Variants in SUMF1 observed in about 807,000 individuals in gnomAD.
The protein encoded by SUMF1 is sulfatase modifying factor 1.
Under a neutral mutation model 47.6 loss-of-function variants are expected in SUMF1, and 48 were observed. That is an observed-to-expected ratio of 1.01 (90% CI 0.80 to 1.28). SUMF1 has a LOEUF of 1.28. Ranked by LOEUF, SUMF1 falls within the 50% of genes most tolerant of loss-of-function variation. The probability of loss-of-function intolerance (pLI) is 0.00; values close to 1 mark genes in which losing one functional copy is unlikely to be tolerated. For missense variants in SUMF1, 571 were observed against 485.4 expected, an observed-to-expected ratio of 1.18 and a Z score of -1.66; for synonymous variants, 230 against 192.1, an observed-to-expected ratio of 1.20 and a Z score of -1.63.
chr3:4,120,591 C>T (rs79438291), intron 8 of SUMF1, among the ~76,000 whole-genome samples: 1 of 152,028 alleles, frequency 6.6e-6, no homozygotes, highest in East Asian at 1.9e-4. Context: ...AAATTCAAGG[C>T]CAAACAGCTG....
chr3:4,183,103 C>T (rs1695131524), intron 8 of SUMF1, among the ~76,000 whole-genome samples: 1 of 152,030 alleles, frequency 6.6e-6, no homozygotes, highest in South Asian at 2.1e-4. Flanking sequence ...ATAACTGTTC[C>T]ATTCCAAGTG....
intron 8 of SUMF1, among the ~76,000 whole-genome samples, chr3:4,324,673 T>C (rs907434663): frequency 6.6e-6 from 1 of 152,128 alleles, no homozygotes; most frequent in Non-Finnish European, 1.5e-5. Flanking sequence ...GAAGTAAACA[T>C]GTGAAAAGAG....
intron 8 of SUMF1, among the ~76,000 whole-genome samples, chr3:4,261,844 T>C (rs1248440381): frequency 6.6e-6 from 1 of 152,216 alleles, no homozygotes; most frequent in Admixed American, 6.5e-5. Flanking sequence ...TGAGTACTGA[T>C]GTACGGAGTC....
chr3:4,335,964 A>AAAAACAAAAAAAAC (rs1481126882), intron 8 of SUMF1, among the ~76,000 whole-genome samples: 2 of 146,714 alleles, frequency 1.4e-5, no homozygotes, highest in African/African-American at 5.1e-5. Context: ...CCAACTCAAA[A>AAAAACAAAAAAAAC]AAAAAAAAAA....
intron 8 of SUMF1, among the ~76,000 whole-genome samples, chr3:4,287,938 A>G (rs1697667063): frequency 6.6e-6 from 1 of 152,240 alleles, no homozygotes; most frequent in African/African-American, 2.4e-5. Context: ...AGATTTGGAT[A>G]ATTAATGCTA....
intron 8 of SUMF1, among the ~76,000 whole-genome samples, chr3:4,207,306 T>C (rs939252677): frequency 2.0e-5 from 3 of 152,292 alleles, no homozygotes; most frequent in Admixed American, 6.5e-5. Flanking sequence ...CCTTTCAATA[T>C]GCATATCTTT....
intron 8 of SUMF1, among the ~76,000 whole-genome samples, chr3:4,104,015 T>C (rs1397472039): frequency 6.6e-6 from 1 of 152,204 alleles, no homozygotes; most frequent in East Asian, 1.9e-4. Flanking sequence ...AGTCTGGATA[T>C]GAGAAGATGA....
chr3:4,049,281 A>G (rs1275207748), intron 9 of SUMF1, among the ~76,000 whole-genome samples: 1 of 152,136 alleles, frequency 6.6e-6, no homozygotes, highest in Non-Finnish European at 1.5e-5. Flanking sequence ...ATAATTCAAT[A>G]GCTCTCACAG....
At chr3:4,172,833 T>C (rs1164354549) in intron 8 of SUMF1, among the ~76,000 whole-genome samples, 1 of 152,214 alleles carries the variant, frequency 6.6e-6, no homozygotes, top group Non-Finnish European at 1.5e-5. Context: ...TGATGATGTT[T>C]CTTCTGCTGT....
At chr3:4,140,621 A>G (rs1014733675) in intron 8 of SUMF1, among the ~76,000 whole-genome samples, 1 of 151,994 alleles carries the variant, frequency 6.6e-6, no homozygotes, top group Non-Finnish European at 1.5e-5. Flanking sequence ...AATTATTTAC[A>G]TTATTCCTTG....
At chr3:4,391,301 G>A (rs571668977) in intron 7 of SUMF1, among the ~76,000 whole-genome samples, 1 of 151,904 alleles carries the variant, frequency 6.6e-6, no homozygotes, top group Non-Finnish European at 1.5e-5. Flanking sequence ...TGAGCTTCTT[G>A]GATTTATAGA....
At chr3:4,419,645 C>T (rs1027017898) in intron 4 of SUMF1, among the ~76,000 whole-genome samples, 1 of 152,162 alleles carries the variant, frequency 6.6e-6, no homozygotes, top group Non-Finnish European at 1.5e-5. Flanking sequence ...GAATCCTATA[C>T]CCAAGGCCTG....
intron 8 of SUMF1, among the ~76,000 whole-genome samples, chr3:4,284,242 C>A (rs1697584609): frequency 6.6e-6 from 1 of 151,610 alleles, no homozygotes. Context: ...TGGCAAAATC[C>A]CATTTCTACA....
At chr3:4,118,986 T>C (rs778233102) in intron 8 of SUMF1, among the ~76,000 whole-genome samples, 9 of 152,138 alleles carry the variant, frequency 5.9e-5, no homozygotes, top group Non-Finnish European at 1.2e-4. Flanking sequence ...ATATCTTTAT[T>C]TGATGTCCTA....
intron 8 of SUMF1, among the ~76,000 whole-genome samples, chr3:4,363,392 A>C (rs6806036): frequency 0.61 from 93,180 of 151,804 alleles, 29,083 homozygotes; most frequent in East Asian, 0.76. Context: ...ATCCTCTTTT[A>C]TTTCATTGAG....
chr3:4,337,745 TCTCTTCAATTAAAATTTTCATCTG>T (rs1699184988), intron 8 of SUMF1, among the ~76,000 whole-genome samples: 1 of 152,256 alleles, frequency 6.6e-6, no homozygotes, highest in Non-Finnish European at 1.5e-5. Flanking sequence ...CATAATTGCA[TCTCTTCAATTAAAATTTTCATCTG>T]CCCTCAAACA....
intron 8 of SUMF1, among the ~76,000 whole-genome samples, chr3:4,369,156 C>T (rs1333402706): frequency 6.6e-6 from 1 of 151,780 alleles, no homozygotes; most frequent in Non-Finnish European, 1.5e-5. Context: ...AGCACTTCTA[C>T]TGTAAAAATA....
intron 7 of SUMF1, among the ~76,000 whole-genome samples, chr3:4,403,383 T>A (rs745612716): frequency 6.6e-6 from 1 of 152,056 alleles, no homozygotes; most frequent in South Asian, 2.1e-4. Flanking sequence ...TCAGACAACA[T>A]CTAGAATGCT....
At chr3:4,157,204 C>A (rs1694472074) in intron 8 of SUMF1, among the ~76,000 whole-genome samples, 1 of 151,538 alleles carries the variant, frequency 6.6e-6, no homozygotes, top group Non-Finnish European at 1.5e-5. Flanking sequence ...ACAGACATCT[C>A]CAATTCAGAA....
Sources: gnomAD v4.1 joint callset for allele counts (sites outside exome capture counted in the v4.1 genomes callset) on GRCh38, gnomAD v4.1.1 for gene constraint, MANE v1.5 for transcripts, NCBI Gene and HGNC (gene_info 2026-07-23, HGNC 2026-07-21) for gene names.